Variants in WDPCP observed in about 807,000 individuals in gnomAD.
WDPCP encodes the protein WD repeat-containing and planar cell polarity effector protein fritz homolog.
Under a neutral mutation model 93.1 loss-of-function variants are expected in WDPCP, and 71 were observed. That is an observed-to-expected ratio of 0.76 (90% CI 0.63 to 0.93). The LOEUF (loss-of-function observed/expected upper bound fraction) is 0.93. Among genes scored for constraint, WDPCP ranks in the 40% least tolerant of loss-of-function variants. The probability of loss-of-function intolerance (pLI) is 0.00; values close to 1 mark genes in which losing one functional copy is unlikely to be tolerated. For synonymous variants in WDPCP, 315 were observed against 315.0 expected (o/e 1.00, Z 0.00); for missense variants, 844 against 887.4 (o/e 0.95, Z 0.62).
At chr2:63,637,342 A>T (rs999565996) in intron 3 of WDPCP, among the ~76,000 whole-genome samples, 6 of 150,566 alleles carry the variant, frequency 4.0e-5, no homozygotes, top group African/African-American at 1.5e-4. Flanking sequence ...ACAGAGAAAG[A>T]CTCCGTCTCA....
intron 2 of WDPCP, among the ~76,000 whole-genome samples, chr2:63,698,430 C>T (rs892013601): frequency 1.3e-4 from 20 of 152,054 alleles, no homozygotes; most frequent in African/African-American, 4.8e-4. Context: ...CTCATTAATG[C>T]GTAAACTCAG....
Position 63,675,520 on chromosome 2 carries a change from G to A in WDPCP, n.309-24682C>T, listed in dbSNP as rs562468052. On this transcript the variant is annotated intron_variant and non_coding_transcript_variant, in intron 2 of 4. Coordinates refer to the WDPCP transcript ENST00000467687. ...AAGCTCTCTCATTTCCTTTCTTCGC[G>A]GGGTAGGGGGGTGGCAAGGGCAGAA... Among the ~76,000 whole-genome samples the A allele has an allele frequency of 5.3e-5, 8 of 152,118 alleles. No individual in the cohort carries two copies. In the East Asian group the frequency reaches 9.6e-4, roughly 18 times the overall value.
At chr2:63,688,401 T>A (rs1484064371) in intron 2 of WDPCP, among the ~76,000 whole-genome samples, 1 of 150,896 alleles carries the variant, frequency 6.6e-6, no homozygotes, top group Non-Finnish European at 1.5e-5. Flanking sequence ...TAGTCCAGCC[T>A]GAGTGACAGA....
intron 6 of WDPCP, among the ~76,000 whole-genome samples, chr2:63,479,246 A>C (rs1431332118): frequency 6.6e-6 from 1 of 152,160 alleles, no homozygotes; most frequent in African/African-American, 2.4e-5. Context: ...TCACAGCTGA[A>C]TTCTATCAGA....
At chr2:63,723,394 A>T (rs1305278594) in intron 2 of WDPCP, among the ~76,000 whole-genome samples, 1 of 151,834 alleles carries the variant, frequency 6.6e-6, no homozygotes, top group Non-Finnish European at 1.5e-5. Flanking sequence ...CATAGTCACC[A>T]TCCAGTGTCT....
chr2:63,622,883 C>T, intron 3 of WDPCP: 1 of 1,491,840 alleles, frequency 6.7e-7, no homozygotes, highest in Non-Finnish European at 9.1e-7. Flanking sequence ...GGTGCGGAGC[C>T]TGGGAGGCAC....
chr2:63,175,140 G>A (rs926302903), intron 14 of WDPCP, among the ~76,000 whole-genome samples: 1 of 151,920 alleles, frequency 6.6e-6, no homozygotes, highest in African/African-American at 2.4e-5. Context: ...GCCAATTACT[G>A]GAATATTTTA....
At chr2:63,228,303 T>C (rs908082155) in intron 14 of WDPCP, 3 of 151,586 alleles carry the variant, frequency 2.0e-5, no homozygotes, top group Non-Finnish European at 4.4e-5. Context: ...CACCTAACTA[T>C]AATCAGTAAT....
chr2:63,511,369 C>G (rs1414324518), intron 1 of WDPCP, among the ~76,000 whole-genome samples: 1 of 152,190 alleles, frequency 6.6e-6, no homozygotes, highest in Admixed American at 6.5e-5. Flanking sequence ...CTACCATTGA[C>G]TTTCTTCACA....
At chr2:63,433,472 C>A (rs1696912581) in intron 9 of WDPCP, among the ~76,000 whole-genome samples, 1 of 152,074 alleles carries the variant, frequency 6.6e-6, no homozygotes, top group Non-Finnish European at 1.5e-5. Flanking sequence ...AATAATGAAA[C>A]TATAGCACAT....
At chr2:63,462,057 T>C (rs1699048941) in intron 6 of WDPCP, among the ~76,000 whole-genome samples, 1 of 152,186 alleles carries the variant, frequency 6.6e-6, no homozygotes, top group Admixed American at 6.5e-5. Flanking sequence ...ACACATATGT[T>C]TACTGCGGCA....
chr2:63,314,147 G>A (rs1362503719), intron 12 of WDPCP, among the ~76,000 whole-genome samples: 6 of 148,522 alleles, frequency 4.0e-5, no homozygotes, highest in Non-Finnish European at 8.9e-5. Flanking sequence ...AAAGTGCTGC[G>A]ATTACAGGCG....
intron 3 of WDPCP, chr2:63,597,238 AAATT>A: frequency 4.2e-6 from 4 of 956,626 alleles, no homozygotes; most frequent in Non-Finnish European, 3.7e-6. Context: ...TATGATTGTT[AAATT>A]AATATATTAT....
chr2:63,370,120 T>G (rs1270113091), intron 12 of WDPCP, among the ~76,000 whole-genome samples: 1 of 152,160 alleles, frequency 6.6e-6, no homozygotes, highest in Non-Finnish European at 1.5e-5. Flanking sequence ...GTATCTTAAT[T>G]TACTGATTAG....
Position 63,684,997 on chromosome 2 carries a change from A to G in WDPCP, n.309-34159T>C, listed in dbSNP as rs543705962. ...AAGCAGTACTAGCAGGGAAGTTTAT[A>G]GCTATAAGTGATTACACCAAAAACA... On this transcript the variant is annotated intron_variant and non_coding_transcript_variant, in intron 2 of 4. Transcript: ENST00000467687. Among the ~76,000 whole-genome samples the G allele has an allele frequency of 3.3e-5, 5 of 152,316 alleles. No homozygotes were observed. The East Asian group carries it at 9.6e-4, about 29-fold the overall frequency.
chr2:63,607,601 C>T (rs927533433), intron 3 of WDPCP, among the ~76,000 whole-genome samples: 8 of 151,368 alleles, frequency 5.3e-5, no homozygotes, highest in Non-Finnish European at 1.0e-4. Context: ...GAGGCAGAGG[C>T]GGGCGGATCA....
intron 2 of WDPCP, among the ~76,000 whole-genome samples, chr2:63,748,607 T>G (rs1669834169): frequency 6.6e-6 from 1 of 152,114 alleles, no homozygotes; most frequent in Non-Finnish European, 1.5e-5. Flanking sequence ...TACCCATTGC[T>G]GGGTATGTTT....
chr2:63,839,192 C>T, the WDPCP span, among the ~76,000 whole-genome samples: 1 of 152,190 alleles, frequency 6.6e-6, no homozygotes, highest in Non-Finnish European at 1.5e-5. Flanking sequence ...CAATTAAAAC[C>T]CATTTCCTTT....
At chr2:63,765,756 GTTAAAAA>G (rs1670128542) in intron 2 of WDPCP, among the ~76,000 whole-genome samples, 1 of 152,212 alleles carries the variant, frequency 6.6e-6, no homozygotes, top group South Asian at 2.1e-4. Context: ...CTACTGCCTG[GTTAAAAA>G]TTTTGGCTCA....
Sources: gnomAD v4.1 joint callset for allele counts (sites outside exome capture counted in the v4.1 genomes callset) on GRCh38, gnomAD v4.1.1 for gene constraint, MANE v1.5 for transcripts, NCBI Gene and HGNC (gene_info 2026-07-23, HGNC 2026-07-21) for gene names.